The following COL27A1 variants were observed in gnomAD, a reference collection of about 807,000 sequenced individuals.
COL27A1 encodes the protein collagen type XXVII alpha 1 chain, also known as collagen alpha-1(XXVII) chain.
COL27A1 carries 106 observed loss-of-function variants against 251.3 expected under a neutral mutation model. The observed-to-expected ratio is 0.42, with a 90% CI of 0.36 to 0.50. COL27A1 has a LOEUF of 0.50. Ranked by LOEUF, COL27A1 falls within the 20% of genes least tolerant of loss-of-function variation. The pLI, the probability that COL27A1 is intolerant of heterozygous loss-of-function variation, is 0.00. For missense variants in COL27A1, 2,325 were observed against 2,522.8 expected (o/e 0.92, Z 1.68); for synonymous variants, 1,000 against 986.3 (o/e 1.01, Z -0.26).
intron 3 of COL27A1, among the ~76,000 whole-genome samples, chr9:114,170,787 C>T (rs990790761): frequency 6.6e-6 from 1 of 152,330 alleles, no homozygotes; most frequent in South Asian, 2.1e-4. Flanking sequence ...AACGAGGAAC[C>T]CTTTTCACCT....
At chr9:114,217,882 G>A (rs1193413354) in intron 12 of COL27A1, 6 of 464,524 alleles carry the variant, frequency 1.3e-5, no homozygotes, top group Non-Finnish European at 2.2e-5. Context: ...GGGAGGCCAA[G>A]GCAGGCAGAT....
intron 56 of COL27A1, 144 bp from the exon 57 acceptor site, chr9:114,304,464 A>C (rs1163760439): frequency 2.9e-6 from 2 of 698,702 alleles, no homozygotes. Context: ...GACTGTCTGC[A>C]AAGAGAGGAA....
At chr9:114,220,853 G>A (rs1205854963) in intron 13 of COL27A1, among the ~76,000 whole-genome samples, 1 of 152,084 alleles carries the variant, frequency 6.6e-6, no homozygotes, top group Non-Finnish European at 1.5e-5. Context: ...AAATTAGCTG[G>A]GCGTGGTGGC....
At chr9:114,262,502 G>C (rs750025425) in intron 28 of COL27A1, among the ~76,000 whole-genome samples, 31 of 152,208 alleles carry the variant, frequency 2.0e-4, no homozygotes, top group Non-Finnish European at 3.8e-4. Context: ...CTCTGGGGAG[G>C]CTGCCCCCTC....
chr9:114,194,211 G>T (rs1341588441), intron 5 of COL27A1, among the ~76,000 whole-genome samples, 193 bp from the exon 6 acceptor site: 1 of 152,184 alleles, frequency 6.6e-6, no homozygotes, highest in Admixed American at 6.5e-5. Flanking sequence ...TCACCATGCA[G>T]TCAGGGGAAG....
chr9:114,280,464 A>G (rs1835834868), intron 37 of COL27A1, among the ~76,000 whole-genome samples: 2 of 152,310 alleles, frequency 1.3e-5, no homozygotes, highest in South Asian at 2.1e-4. Flanking sequence ...CAGCCTCCCA[A>G]AGTGCTGGGA....
chr9:114,165,103 C>G (rs928715953), intron 2 of COL27A1, among the ~76,000 whole-genome samples: 1 of 152,204 alleles, frequency 6.6e-6, no homozygotes, highest in African/African-American at 2.4e-5. Context: ...ATTTCATCCT[C>G]CTAACAACCC....
chr9:114,209,978 A>G (rs953536230), intron 11 of COL27A1, among the ~76,000 whole-genome samples: 2 of 152,174 alleles, frequency 1.3e-5, no homozygotes, highest in Non-Finnish European at 2.9e-5. Flanking sequence ...GTGCTGCGTG[A>G]GAGGGTGAGA....
At chr9:114,230,408 C>A (rs374435902) in intron 14 of COL27A1, among the ~76,000 whole-genome samples, 1 of 152,268 alleles carries the variant, frequency 6.6e-6, no homozygotes, top group African/African-American at 2.4e-5. Context: ...CCAGGCTGAG[C>A]TGTCATCTGC....
In COL27A1 at chr9:114,289,137, C is replaced by A. The variant is rs796981900; in HGVS notation, c.4153-105C>A. The A allele has an allele frequency of 9.4e-6, 13 of 1,375,800 alleles. No individual in the cohort carries two copies. In the African/African-American group the frequency reaches 1.8e-4, roughly 19 times the overall value. The allele number at this position is 1,375,800 out of a possible 1,614,324, so 85.2% of individuals were successfully genotyped here. A position where few individuals can be genotyped will look rare whatever the true frequency, so the allele number is the denominator to read the frequency against. ...ACCCTGGGGATGCCCCCAGAACCTG[C>A]ACCCCCAAACCCCTCCCCACCCCTC... On this transcript the variant is annotated intron_variant, in intron 44 of 60. Transcript: ENST00000356083.
Position 114,269,293 on chromosome 9 carries a change from G to C in COL27A1, c.3554G>C (p.Arg1185Pro). The C allele has an allele frequency of 6.2e-7, 1 of 1,607,924 alleles. No individual in the cohort carries two copies. The highest frequency in any genetic ancestry group is 8.5e-7 in the Non-Finnish European group (1 of 1,176,556). The change falls in exon 35 of 61, where the codon CGG becomes CCG. Residue 1185 changes from arginine to proline, a missense_variant and splice_region_variant. Physicochemically the swap from Arg to Pro is moderately radical, Grantham distance 103. Coordinates refer to ENST00000356083, the MANE Select transcript of COL27A1 (RefSeq NM_032888.4). ...TPGEQGLIGQ[R>P]GEPGLEGDSG... The stretch of plus-strand genomic sequence containing the variant: ...GGGGAGCAGGGCCTCATTGGGCAAC[G>C]GGTAAGTTGAAGCAATTTATTCTTC...
At chr9:114,229,709 G>A (rs1276278898) in intron 14 of COL27A1, among the ~76,000 whole-genome samples, 1 of 152,216 alleles carries the variant, frequency 6.6e-6, no homozygotes, top group African/African-American at 2.4e-5. Context: ...TATTTTCAGG[G>A]TCTCCCTTTC....
At chr9:114,230,987 G>A (rs1831903211) in intron 14 of COL27A1, 92 bp from the exon 15 acceptor site, 15 of 1,056,842 alleles carry the variant, frequency 1.4e-5, no homozygotes, top group Admixed American at 2.0e-5. Flanking sequence ...TGGAAGCCCA[G>A]GCCCAGGGAC....
At chr9:114,289,145 A>AAACCCC in intron 44 of COL27A1, 97 bp from the exon 45 acceptor site, 3 of 1,237,890 alleles carry the variant, frequency 2.4e-6, no homozygotes, top group Non-Finnish European at 3.4e-6. Context: ...TGCACCCCCA[A>AAACCCC]ACCCCTCCCC....
intron 28 of COL27A1, among the ~76,000 whole-genome samples, chr9:114,262,220 G>A (rs117025949): frequency 0.012 from 1,832 of 152,318 alleles, 17 homozygotes; most frequent in Non-Finnish European, 0.017. Context: ...AATCACGGGT[G>A]TTAAGCCTAA....
chr9:114,309,830 G>T (rs969600996), intron 60 of COL27A1, among the ~76,000 whole-genome samples: 11 of 152,304 alleles, frequency 7.2e-5, no homozygotes, highest in Admixed American at 2.0e-4. Flanking sequence ...ATTTTCAAAT[G>T]TCCTGAACAG....
chr9:114,269,379 C>G, intron 35 of COL27A1, 85 bp downstream of exon 35: 4 of 934,190 alleles, frequency 4.3e-6, no homozygotes, highest in Non-Finnish European at 4.9e-6. Context: ...CTCAATCTCC[C>G]TAAGCCTCAG....
At chr9:114,301,928 G>C (rs1409562540) in intron 55 of COL27A1, among the ~76,000 whole-genome samples, 154 bp from the exon 56 acceptor site, 1 of 152,132 alleles carries the variant, frequency 6.6e-6, no homozygotes, top group Non-Finnish European at 1.5e-5. Flanking sequence ...GAAAAGCATA[G>C]ACCAGCCCAC....
intron 27 of COL27A1, among the ~76,000 whole-genome samples, chr9:114,255,979 T>A (rs1036442932): frequency 2.6e-5 from 4 of 152,234 alleles, no homozygotes; most frequent in Non-Finnish European, 5.9e-5. Flanking sequence ...AATGGTGCAG[T>A]GCATGATGTG....
Sources: gnomAD v4.1 joint callset for allele counts (sites outside exome capture counted in the v4.1 genomes callset) on GRCh38, gnomAD v4.1.1 for gene constraint, MANE v1.5 for transcripts, NCBI Gene and HGNC (gene_info 2026-07-23, HGNC 2026-07-21) for gene names.